GNAS: variants seen among roughly 807,000 people sequenced by gnomAD.
GNAS encodes the protein GNAS complex locus.
GNAS carries 8 observed loss-of-function variants against 54.5 expected under a neutral mutation model. The observed-to-expected ratio is 0.15, with a 90% CI of 0.09 to 0.26. The LOEUF (loss-of-function observed/expected upper bound fraction) is 0.26, where lower values mean the gene tolerates loss of function less well. Among genes scored for constraint, GNAS ranks in the 10% least tolerant of loss-of-function variants. The pLI, the probability that GNAS is intolerant of heterozygous loss-of-function variation, is 1.00. For missense variants in GNAS, 170 were observed against 529.8 expected, an observed-to-expected ratio of 0.32 and a Z score of 6.67; for synonymous variants, 204 against 191.4, an observed-to-expected ratio of 1.07 and a Z score of -0.54.
chr20:58,851,303 T>A (rs562960427), intron 1 of GNAS, among the ~76,000 whole-genome samples: 8 of 152,182 alleles, frequency 5.3e-5, no homozygotes, highest in African/African-American at 1.9e-4. Flanking sequence ...GAGGGATGCA[T>A]TAGACTAAAC....
In GNAS at chr20:58,910,138, G is replaced by A; in HGVS notation, c.970+57G>A. On this transcript the variant is annotated intron_variant, in intron 11 of 12. Coordinates refer to ENST00000371085, the MANE Select transcript of GNAS (RefSeq NM_000516.7). The surrounding 1 kb of genome is among the most constrained non-coding windows in gnomAD (Gnocchi z 5.8). The stretch of plus-strand genomic sequence containing the variant: ...CATTGCGGTGGTTCTTTTTCAAACG[G>A]TCAGGCTGAAAACCCCCATCCCCCT... 2 of 1,589,324 alleles carry A rather than the reference G, an allele frequency of 1.3e-6. No homozygotes were observed. Among genetic ancestry groups the A allele is most frequent in the Non-Finnish European group, 1.7e-6 (2 of 1,158,032 alleles).
chr20:58,854,265 G>A (rs1195687950), intron 1 of GNAS: 1 of 1,612,728 alleles, frequency 6.2e-7, no homozygotes. Context: ...CGCGCTTGAC[G>A]GCCCGCCCAT....
chr20:58,869,004 G>A lies in GNAS; in HGVS notation c.44-26608G>A, dbSNP rs553679736. 3.4e-3 allele frequency among the ~76,000 whole-genome samples: 512 copies of A among 152,228 alleles called. 2 individuals are homozygous for A. Among genetic ancestry groups the A allele is most frequent in the African/African-American group, 0.012 (492 of 41,530 alleles). ...CCTAAATCCTCCTTCCCAAGGACAC[G>A]GCCCCTGCCCCTAAGGCTGAGGAAT... On this transcript the variant is annotated intron_variant, in intron 1 of 12. Coordinates refer to the GNAS transcript ENST00000306090.
chr20:58,854,713 G>C (rs758874023), intron 1 of GNAS: 2 of 1,533,132 alleles, frequency 1.3e-6, no homozygotes, highest in Non-Finnish European at 8.7e-7. Flanking sequence ...GCTGAGACCC[G>C]GGCAGCCCAT....
chr20:58,899,733 G>GCA (rs146416102), intron 3 of GNAS, among the ~76,000 whole-genome samples: 1 of 151,568 alleles, frequency 6.6e-6, no homozygotes, highest in Non-Finnish European at 1.5e-5. Context: ...CACGCGCCGC[G>GCA]CACACACACA....
chr20:58,868,165 C>T (rs772989520), intron 1 of GNAS, among the ~76,000 whole-genome samples: 9 of 152,080 alleles, frequency 5.9e-5, no homozygotes, highest in East Asian at 1.9e-4. Flanking sequence ...GTACTACAGG[C>T]GCACGCCACC....
intron 1 of GNAS, among the ~76,000 whole-genome samples, chr20:58,870,134 C>T (rs1207008922): frequency 6.6e-6 from 1 of 152,254 alleles, no homozygotes; most frequent in Non-Finnish European, 1.5e-5. Flanking sequence ...TTCATATACA[C>T]ATTCTTTCTC....
At chr20:58,868,921 C>T (rs2087246501) in intron 1 of GNAS, among the ~76,000 whole-genome samples, 1 of 152,212 alleles carries the variant, frequency 6.6e-6, no homozygotes, top group African/African-American at 2.4e-5. Context: ...GATTGACAGC[C>T]TGGCTTTCAA....
Position 58,909,566 on chromosome 20 carries a change from C to T in GNAS, c.705C>T (p.Ile235=), listed in dbSNP as rs2146279557. Reference sequence around the variant, plus strand: ...AGCGCGATGAACGCCGCAAGTGGATCCAGTGCTTCAACGGTAGGATGCTGT... The same window carrying T: ...AGCGCGATGAACGCCGCAAGTGGATTCAGTGCTTCAACGGTAGGATGCTGT... ...GGQRDERRKW[I]QCFNDVTAII... is the part of the protein sequence containing the mutation. Residue 235 remains isoleucine, a synonymous_variant, in exon 9 of 13, where the codon ATC becomes ATT. Coordinates refer to ENST00000371085, the MANE Select transcript of GNAS (RefSeq NM_000516.7). This position sits in a 1 kb window ranked among gnomAD's most constrained non-coding sequence, Gnocchi z 7.3. The T allele has an allele frequency of 6.2e-7, 1 of 1,614,180 alleles. No homozygotes were observed. Among genetic ancestry groups the T allele is most frequent in the African/African-American group, 1.3e-5 (1 of 75,058 alleles).
At chr20:58,888,955 CCCCCCGCCATCGCGG>C (rs1600927020), upstream of GNAS, 1 of 444,484 alleles carries the variant, frequency 2.2e-6, no homozygotes, top group Non-Finnish European at 3.0e-6. Flanking sequence ...CGCGCCCGCG[CCCCCCGCCATCGCGG>C]CCCCCGCGCC....
intron 3 of GNAS, among the ~76,000 whole-genome samples, chr20:58,902,015 T>C (rs1030401567): frequency 3.9e-5 from 6 of 152,064 alleles, no homozygotes; most frequent in African/African-American, 9.7e-5. Context: ...GCCAAGTGAA[T>C]GCTTCAAAAA....
intron 2 of GNAS, chr20:58,897,919 G>GT (rs2090216855): frequency 6.6e-6 from 1 of 152,174 alleles, no homozygotes; most frequent in African/African-American, 2.4e-5. Flanking sequence ...GGTCTGGGTG[G>GT]TACAGGGTTC....
Position 58,855,008 on chromosome 20 carries a change from C to G in GNAS, c.43+14122C>G, listed in dbSNP as rs372532753. 7 of 1,612,644 alleles carry G rather than the reference C, an allele frequency of 4.3e-6. No homozygotes were observed. The Admixed American group carries it at 1.2e-4, about 27-fold the overall frequency. ...ACGATGACTCCAGCGGAGACGAGTCCGACGATGGGACCTCCGGATGCCTCC... is the reference window on the plus strand; with the variant it reads ...ACGATGACTCCAGCGGAGACGAGTCGGACGATGGGACCTCCGGATGCCTCC... On this transcript the variant is annotated intron_variant, in intron 1 of 12. Coordinates refer to the GNAS transcript ENST00000306090.
upstream of GNAS, chr20:58,839,993 C>T: frequency 2.5e-6 from 3 of 1,189,864 alleles, no homozygotes; most frequent in Non-Finnish European, 3.6e-6. Flanking sequence ...GACCTCCGGG[C>T]CAGCTTCTCA....
intron 1 of GNAS, among the ~76,000 whole-genome samples, chr20:58,848,287 G>A (rs1443944275): frequency 6.6e-6 from 1 of 152,114 alleles, no homozygotes; most frequent in Non-Finnish European, 1.5e-5. Context: ...TCATCTCACT[G>A]CAGCCCTACA....
At position 58,855,369 on chromosome 20, in the gene GNAS, C is replaced by T. The variant is rs750148650; in HGVS notation, c.43+14483C>T. ...GGACTCTGCCTGCGGGCAGCAGGGC[C>T]GCCGGGGAACCGGGGAGGGGGTGGC... On this transcript the variant is annotated intron_variant, in intron 1 of 12. Coordinates refer to the GNAS transcript ENST00000306090. 8 of 1,543,374 alleles carry T rather than the reference C, an allele frequency of 5.2e-6. No individual in the cohort carries two copies. The African/African-American group carries it at 9.6e-5, about 19-fold the overall frequency.
upstream of GNAS, chr20:58,889,276 C>G (rs867842774): frequency 2.0e-6 from 2 of 1,024,008 alleles, no homozygotes; most frequent in Non-Finnish European, 2.3e-6. Flanking sequence ...GCGGCTGGAG[C>G]GAGCCCCTGT....
intron 1 of GNAS, among the ~76,000 whole-genome samples, chr20:58,893,089 T>TG (rs1491518291): frequency 1.0e-5 from 1 of 100,360 alleles, no homozygotes; most frequent in Non-Finnish European, 2.2e-5. Context: ...TTTTTTTTTT[T>TG]GTCCTCCTCA....
rs949777422 is a variant in GNAS, at chr20:58,891,470, A to G, written c.-257A>G. On this transcript the variant is annotated 5_prime_UTR_variant, in exon 1 of 13. Coordinates refer to ENST00000371085, the MANE Select transcript of GNAS (RefSeq NM_000516.7). ...GGTCCGCCTCGGCCCGGCGGCGGCCATCAGCCCCCTCGGCCTCGGCTCGAG... is the reference window on the plus strand; with the variant it reads ...GGTCCGCCTCGGCCCGGCGGCGGCCGTCAGCCCCCTCGGCCTCGGCTCGAG... The G allele has an allele frequency of 4.5e-6, 4 of 883,844 alleles. No individual in the cohort carries two copies. Among genetic ancestry groups the G allele is most frequent in the Non-Finnish European group, 5.4e-6 (4 of 743,100 alleles). The allele number at this position is 883,844 out of a possible 1,614,324, so 54.8% of individuals were successfully genotyped here. A position where few individuals can be genotyped will look rare whatever the true frequency, so the allele number is the denominator to read the frequency against.
Sources: gnomAD v4.1 joint callset for allele counts (sites outside exome capture counted in the v4.1 genomes callset) on GRCh38, gnomAD v4.1.1 for gene constraint, Gnocchi (gnomAD v3.1) non-coding constraint, MANE v1.5 for transcripts, NCBI Gene and HGNC (gene_info 2026-07-23, HGNC 2026-07-21) for gene names.